TXNRD1: variants seen among roughly 807,000 people sequenced by gnomAD.
TXNRD1 encodes the protein thioredoxin reductase 1, cytoplasmic.
A neutral mutation model predicts 80.3 loss-of-function variants in TXNRD1; 57 were observed. That is an observed-to-expected ratio of 0.71 (90% CI 0.57 to 0.89). The LOEUF (loss-of-function observed/expected upper bound fraction) is 0.89. Among genes scored for constraint, TXNRD1 ranks in the 40% least tolerant of loss-of-function variants. The pLI is 0.00. For synonymous variants in TXNRD1, 291 were observed against 285.2 expected (o/e 1.02, Z -0.20); for missense variants, 730 against 803.0 (o/e 0.91, Z 1.10).
At chr12:104,231,364 G>T (rs749737195) in intron 1 of TXNRD1, among the ~76,000 whole-genome samples, 25 of 152,160 alleles carry the variant, frequency 1.6e-4, no homozygotes, top group African/African-American at 5.5e-4. Flanking sequence ...TCCATGCATG[G>T]TTCAGTTTGC....
rs960834740 is a variant in TXNRD1 at position 104,349,307 on chromosome 12, A to G, written c.*886A>G. 2 of 152,324 alleles carry G rather than the reference A, an allele frequency of 1.3e-5. No homozygotes were observed. Among genetic ancestry groups the G allele is most frequent in the Admixed American group, 1.3e-4 (2 of 15,288 alleles). 9.4% of individuals were successfully genotyped at this position (152,324 alleles called of 1,614,324 possible). A position where few individuals can be genotyped will look rare whatever the true frequency, so the allele number is the denominator to read the frequency against. Reference sequence around the variant, plus strand: ...GCAATGGAAAACACGTAACTTGTTTAAAAGTTTTTCTGGTAGCTTTAGCTT... The same window carrying G: ...GCAATGGAAAACACGTAACTTGTTTGAAAGTTTTTCTGGTAGCTTTAGCTT... On this transcript the variant is annotated 3_prime_UTR_variant, in exon 17 of 17. Coordinates refer to ENST00000525566, the MANE Select transcript of TXNRD1 (RefSeq NM_001093771.3).
At chr12:104,337,431 T>C (rs1434753159) in intron 15 of TXNRD1, among the ~76,000 whole-genome samples, 6 of 152,046 alleles carry the variant, frequency 3.9e-5, no homozygotes, top group Non-Finnish European at 7.4e-5. Flanking sequence ...ATCTATCAGC[T>C]CAACAGTAGA....
chr12:104,314,738 CTTTTT>C (rs11330431), intron 6 of TXNRD1, among the ~76,000 whole-genome samples: 3 of 103,662 alleles, frequency 2.9e-5, no homozygotes, highest in African/African-American at 4.1e-5. Flanking sequence ...AAATTTTTTT[CTTTTT>C]TTTTTTTTTT....
chr12:104,233,967 T>C (rs112134099), intron 1 of TXNRD1, among the ~76,000 whole-genome samples: 8,012 of 152,320 alleles, frequency 0.053, 237 homozygotes, highest in Middle Eastern at 0.13. Flanking sequence ...TTAACTCTTA[T>C]TTTGCTTGAT....
intron 3 of TXNRD1, among the ~76,000 whole-genome samples, chr12:104,283,345 G>A (rs1454428650): frequency 1.3e-5 from 2 of 151,922 alleles, no homozygotes; most frequent in African/African-American, 2.4e-5. Context: ...TCCGTCTCCT[G>A]GGTTCAAGCG....
chr12:104,286,588 T>G, intron 3 of TXNRD1: 1 of 348,886 alleles, frequency 2.9e-6, no homozygotes, highest in Non-Finnish European at 3.9e-6. Context: ...CCTTTGGAGT[T>G]TTTTTTTTTT....
At chr12:104,278,928 T>C (rs1248269041) in intron 3 of TXNRD1, among the ~76,000 whole-genome samples, 1 of 152,236 alleles carries the variant, frequency 6.6e-6, no homozygotes, top group Non-Finnish European at 1.5e-5. Flanking sequence ...AACTAAGTAA[T>C]ATCTGCATTT....
intron 3 of TXNRD1, among the ~76,000 whole-genome samples, chr12:104,282,258 CA>C (rs1403399587): frequency 1.3e-5 from 2 of 152,208 alleles, no homozygotes; most frequent in Admixed American, 1.3e-4. Context: ...CCTAGAGTTT[CA>C]GCAAGTTCTC....
intron 1 of TXNRD1, among the ~76,000 whole-genome samples, chr12:104,250,982 T>G (rs1185551932): frequency 1.3e-5 from 2 of 152,234 alleles, no homozygotes; most frequent in Non-Finnish European, 2.9e-5. Context: ...CACAAAATCC[T>G]GAGGAGAAAA....
chr12:104,277,399 C>CAA (rs373722163), intron 3 of TXNRD1, among the ~76,000 whole-genome samples: 10,639 of 134,460 alleles, frequency 0.079, 641 homozygotes, highest in African/African-American at 0.17. Context: ...GACTCTGTCT[C>CAA]AAAAAAAAAA....
rs1323549890 is a variant in TXNRD1 at position 104,305,054 on chromosome 12, T to C, written c.415-6236T>C. ...AAGTGAAAAAGTATTTTCAAGAACA[T>C]CAGACATTGTTTTACTGTGCAGCAT... On this transcript the variant is annotated intron_variant, in intron 4 of 16. Transcript: ENST00000525566. The C allele has an allele frequency of 4.6e-6, 5 of 1,088,806 alleles. No homozygotes were observed. In the African/African-American group the frequency reaches 4.8e-5, roughly 10 times the overall value. 67.4% of individuals were successfully genotyped at this position (1,088,806 alleles called of 1,614,324 possible). A position where few individuals can be genotyped will look rare whatever the true frequency, so the allele number is the denominator to read the frequency against.
chr12:104,302,530 C>A (rs904249505), intron 4 of TXNRD1, among the ~76,000 whole-genome samples: 9 of 113,848 alleles, frequency 7.9e-5, no homozygotes, highest in African/African-American at 3.1e-4. Flanking sequence ...CGCTCTATAG[C>A]CCAGGCTGGA....
At chr12:104,236,787 C>A (rs1249369924) in intron 1 of TXNRD1, among the ~76,000 whole-genome samples, 207 of 112,796 alleles carry the variant, frequency 1.8e-3, no homozygotes, top group South Asian at 2.9e-3. Flanking sequence ...AAAACTGTCT[C>A]AAAAAAAAAA....
intron 1 of TXNRD1, among the ~76,000 whole-genome samples, chr12:104,224,298 G>T (rs566291419): frequency 1.2e-4 from 19 of 152,276 alleles, no homozygotes; most frequent in African/African-American, 4.6e-4. Flanking sequence ...CTGGACATCT[G>T]TGGCTCTTCT....
chr12:104,328,807 T>C (rs888188357), intron 13 of TXNRD1, among the ~76,000 whole-genome samples: 3 of 149,386 alleles, frequency 2.0e-5, no homozygotes, highest in African/African-American at 7.4e-5. Context: ...GGATGTTGAA[T>C]ATGTTAAATG....
In TXNRD1 at chr12:104,290,988, T is replaced by G. The variant is rs181078361; in HGVS notation, c.414+1948T>G. ...TTTTTTAATTGAAAACTTTTTTTTCTTTAGAGATGGAGGTCTCATTATGTT... is the reference window on the plus strand; with the variant it reads ...TTTTTTAATTGAAAACTTTTTTTTCGTTAGAGATGGAGGTCTCATTATGTT... On this transcript the variant is annotated intron_variant, in intron 4 of 16. Coordinates refer to ENST00000525566, the MANE Select transcript of TXNRD1 (RefSeq NM_001093771.3). 869 of 662,854 alleles carry G rather than the reference T, an allele frequency of 1.3e-3. 2 individuals are homozygous for G. The highest frequency in any genetic ancestry group is 9.4e-4 in the Non-Finnish European group (351 of 372,222). The allele number at this position is 662,854 out of a possible 1,614,324, so 41.1% of individuals were successfully genotyped here.
chr12:104,347,364 T>C (rs572496529), intron 16 of TXNRD1, among the ~76,000 whole-genome samples: 1 of 152,320 alleles, frequency 6.6e-6, no homozygotes, highest in African/African-American at 2.4e-5. Context: ...AAAACTGTTT[T>C]CCCCCTTATT....
intron 16 of TXNRD1, chr12:104,346,058 G>A: frequency 8.4e-7 from 1 of 1,192,044 alleles, no homozygotes; most frequent in Non-Finnish European, 1.1e-6. Context: ...TGTCACCCAG[G>A]CTGGAGTGCA....
chr12:104,229,322 A>G (rs1189917623), intron 1 of TXNRD1, among the ~76,000 whole-genome samples: 4 of 150,682 alleles, frequency 2.7e-5, no homozygotes, highest in Non-Finnish European at 1.5e-5. Flanking sequence ...TAATTTTTGT[A>G]CGTTTTGTAG....
Sources: gnomAD v4.1 joint callset for allele counts (sites outside exome capture counted in the v4.1 genomes callset) on GRCh38, gnomAD v4.1.1 for gene constraint, MANE v1.5 for transcripts, NCBI Gene and HGNC (gene_info 2026-07-23, HGNC 2026-07-21) for gene names.